FSTL5: variants seen among roughly 807,000 people sequenced by gnomAD.
FSTL5 encodes the protein follistatin-related protein 5.
In FSTL5, 62 loss-of-function variants were observed where a neutral mutation model predicts 89.1. That is an observed-to-expected ratio of 0.70 (90% CI 0.57 to 0.86). The LOEUF (loss-of-function observed/expected upper bound fraction) is 0.86. Ranked by LOEUF, FSTL5 falls within the 40% of genes least tolerant of loss-of-function variation. The pLI is 0.00. For missense variants in FSTL5, 1,057 were observed against 1,001.6 expected (o/e 1.06, Z -0.75); for synonymous variants, 383 against 346.2 (o/e 1.11, Z -1.18).
At chr4:161,561,989 A>T (rs1732620176) in intron 8 of FSTL5, among the ~76,000 whole-genome samples, 1 of 151,962 alleles carries the variant, frequency 6.6e-6, no homozygotes. Context: ...TGGGCATGGC[A>T]TGCATCTGGT....
intron 4 of FSTL5, among the ~76,000 whole-genome samples, chr4:161,900,638 C>CAAAAAAAA (rs58702301): frequency 1.2e-4 from 8 of 65,220 alleles, no homozygotes; most frequent in Middle Eastern, 0.011. Flanking sequence ...GACTCCATCT[C>CAAAAAAAA]AAAAAAAAAA....
At chr4:161,719,700 TG>T (rs1739122667) in intron 6 of FSTL5, among the ~76,000 whole-genome samples, 2 of 149,750 alleles carry the variant, frequency 1.3e-5, no homozygotes, top group Non-Finnish European at 3.0e-5. Context: ...TTCACCTCCT[TG>T]GTTAATTTTT....
intron 5 of FSTL5, among the ~76,000 whole-genome samples, chr4:161,766,612 CTT>C (rs1247593208): frequency 1.3e-5 from 2 of 152,196 alleles, no homozygotes; most frequent in Non-Finnish European, 2.9e-5. Flanking sequence ...TCAGAAAACT[CTT>C]TTGTCCTCAA....
chr4:161,813,275 C>T (rs1160498835), intron 4 of FSTL5, among the ~76,000 whole-genome samples: 1 of 152,002 alleles, frequency 6.6e-6, no homozygotes, highest in Non-Finnish European at 1.5e-5. Flanking sequence ...GTGATCTGCC[C>T]GCCTTGGCCT....
rs1233915154 is a variant in FSTL5, at chr4:161,384,430, A to C, written c.*1317T>G. 1.3e-5 allele frequency: 2 copies of C among 152,140 alleles called. No individual in the cohort carries two copies. Among genetic ancestry groups the C allele is most frequent in the African/African-American group, 4.8e-5 (2 of 41,450 alleles). 9.4% of individuals were successfully genotyped at this position (152,140 alleles called of 1,614,324 possible). ...GCTTATTTTAATAAACCAGCTCTCT[A>C]GTTTTAATCTACTTCTGCTGGCCTT... On this transcript the variant is annotated 3_prime_UTR_variant, in exon 16 of 16. Coordinates refer to ENST00000306100, the MANE Select transcript of FSTL5 (RefSeq NM_020116.5).
intron 1 of FSTL5, among the ~76,000 whole-genome samples, chr4:162,131,389 A>G (rs1018848918): frequency 1.3e-5 from 2 of 152,222 alleles, no homozygotes; most frequent in African/African-American, 4.8e-5. Context: ...GGGTATAAAA[A>G]TATCAAAGTT....
At position 161,633,566 on chromosome 4, in the gene FSTL5, C is replaced by T. The variant is rs544897458; in HGVS notation, c.894+22762G>A. Among the ~76,000 whole-genome samples, 13 of 152,006 alleles carry T rather than the reference C, an allele frequency of 8.6e-5. No homozygotes were observed. In the South Asian group the frequency reaches 2.1e-3, roughly 24 times the overall value. ...TTCACCATGTTGGCCAGGATGGTCT[C>T]GATCTCTTGACCTCGTGATCCGCCT... On this transcript the variant is annotated intron_variant, in intron 7 of 15. Transcript: ENST00000306100.
chr4:162,095,166 A>C (rs1730701907), intron 2 of FSTL5, among the ~76,000 whole-genome samples: 1 of 152,112 alleles, frequency 6.6e-6, no homozygotes, highest in Non-Finnish European at 1.5e-5. Flanking sequence ...ATAACTATAA[A>C]ATTACATTGA....
At chr4:161,427,141 A>C (rs192775042) in intron 15 of FSTL5, among the ~76,000 whole-genome samples, 35 of 152,338 alleles carry the variant, frequency 2.3e-4, no homozygotes, top group Admixed American at 2.2e-3. Context: ...GATGTTAATA[A>C]ATTTCCTTAG....
At chr4:161,423,725 T>A (rs1342207151) in intron 15 of FSTL5, among the ~76,000 whole-genome samples, 1 of 152,124 alleles carries the variant, frequency 6.6e-6, no homozygotes, top group East Asian at 1.9e-4. Context: ...TGAAAATACC[T>A]TCTTCCAGGG....
chr4:161,569,945 AG>A (rs1169340794), intron 8 of FSTL5, among the ~76,000 whole-genome samples: 1 of 152,158 alleles, frequency 6.6e-6, no homozygotes, highest in Non-Finnish European at 1.5e-5. Context: ...TCAGGGAGGG[AG>A]GAGAAAGAAT....
chr4:162,006,454 T>TTGAAAATA (rs1736618554), intron 3 of FSTL5, among the ~76,000 whole-genome samples: 1 of 151,952 alleles, frequency 6.6e-6, no homozygotes, highest in Non-Finnish European at 1.5e-5. Flanking sequence ...ATGAGTGATA[T>TTGAAAATA]TGAAAATATA....
intron 4 of FSTL5, among the ~76,000 whole-genome samples, chr4:161,838,162 A>C (rs1201278090): frequency 1.3e-5 from 2 of 152,230 alleles, no homozygotes; most frequent in African/African-American, 4.8e-5. Context: ...AAAATGAGAC[A>C]GCAAACAGAA....
At chr4:161,897,131 A>T (rs1293151991) in intron 4 of FSTL5, among the ~76,000 whole-genome samples, 1 of 151,750 alleles carries the variant, frequency 6.6e-6, no homozygotes, top group East Asian at 1.9e-4. Flanking sequence ...GATATCTTTA[A>T]AAAGAAGAAG....
intron 2 of FSTL5, among the ~76,000 whole-genome samples, chr4:162,047,775 A>G (rs1157981910): frequency 6.6e-6 from 1 of 150,838 alleles, no homozygotes; most frequent in Non-Finnish European, 1.5e-5. Context: ...CAGTGAGCTG[A>G]GATCGCACCA....
intron 7 of FSTL5, among the ~76,000 whole-genome samples, chr4:161,621,172 G>T (rs191392695): frequency 1.5e-4 from 22 of 151,252 alleles, no homozygotes; most frequent in Admixed American, 4.6e-4. Flanking sequence ...TCTTGCAAAG[G>T]GTATTTTCTG....
chr4:161,579,599 T>C (rs564109772), intron 8 of FSTL5, among the ~76,000 whole-genome samples: 68 of 151,962 alleles, frequency 4.5e-4, no homozygotes, highest in African/African-American at 1.5e-3. Flanking sequence ...CACCTGTGAT[T>C]GCAGCTACTT....
At chr4:162,128,384 A>C (rs1404058385) in intron 1 of FSTL5, among the ~76,000 whole-genome samples, 3 of 152,150 alleles carry the variant, frequency 2.0e-5, no homozygotes, top group African/African-American at 7.2e-5. Flanking sequence ...GTTTGGGATG[A>C]GGTGATTAGG....
chr4:162,040,960 C>T (rs1434269307), intron 2 of FSTL5, among the ~76,000 whole-genome samples: 1 of 151,926 alleles, frequency 6.6e-6, no homozygotes, highest in African/African-American at 2.4e-5. Flanking sequence ...ATGTCTTAGC[C>T]CCTGCAAGAG....
Sources: allele counts gnomAD v4.1 joint callset (sites outside exome capture counted in the v4.1 genomes callset), GRCh38; gene constraint gnomAD v4.1.1; transcripts MANE v1.5; gene names NCBI Gene and HGNC (gene_info 2026-07-23, HGNC 2026-07-21).